The following GALNT13 variants were observed in gnomAD, a reference collection of about 807,000 sequenced individuals.
The protein encoded by GALNT13 is UDP-GalNAc:polypeptide N-acetylgalactosaminyltransferase 13.
Under a neutral mutation model 64.2 loss-of-function variants are expected in GALNT13, and 28 were observed. The ratio of observed to expected loss-of-function variants is 0.44; its 90% CI spans 0.32 to 0.60. The LOEUF is 0.60. Among genes scored for constraint, GALNT13 ranks in the 20% least tolerant of loss-of-function variants. GALNT13 has a pLI of 0.05. For synonymous variants in GALNT13, 214 were observed against 224.6 expected (o/e 0.95, Z 0.42); for missense variants, 577 against 669.8 (o/e 0.86, Z 1.53).
chr2:154,128,649 G>A (rs1171031913), intron 3 of GALNT13, among the ~76,000 whole-genome samples: 3 of 152,004 alleles, frequency 2.0e-5, no homozygotes, highest in East Asian at 1.9e-4. Context: ...GGTAGGAGGC[G>A]GGTAGTGATT....
chr2:154,414,697 C>CT (rs1283619679), intron 11 of GALNT13, among the ~76,000 whole-genome samples: 2 of 151,716 alleles, frequency 1.3e-5, no homozygotes, highest in Admixed American at 6.6e-5. Context: ...TGAAAGGGGT[C>CT]TTTTTTCTCT....
At chr2:153,267,189 A>G in the GALNT13 span, among the ~76,000 whole-genome samples, 1 of 152,146 alleles carries the variant, frequency 6.6e-6, no homozygotes, top group Non-Finnish European at 1.5e-5. Flanking sequence ...GGAGCTTTGC[A>G]CCTGTGGCTC....
intron 12 of GALNT13, among the ~76,000 whole-genome samples, chr2:154,445,637 A>AT (rs2105493053): frequency 6.6e-6 from 1 of 152,136 alleles, no homozygotes; most frequent in African/African-American, 2.4e-5. Flanking sequence ...ATACAATGTT[A>AT]TTTTTTCTTT....
At chr2:154,022,792 T>G (rs1050128356) in intron 3 of GALNT13, among the ~76,000 whole-genome samples, 4 of 151,674 alleles carry the variant, frequency 2.6e-5, no homozygotes, top group Non-Finnish European at 5.9e-5. Flanking sequence ...GATGTTAGGG[T>G]GTCAATTTGG....
chr2:153,283,199 C>G, the GALNT13 span, among the ~76,000 whole-genome samples: 1 of 152,138 alleles, frequency 6.6e-6, no homozygotes, highest in Non-Finnish European at 1.5e-5. Context: ...TCCCTGATGG[C>G]GGGCACTAGT....
At chr2:153,567,953 G>A in the GALNT13 span, among the ~76,000 whole-genome samples, 1 of 152,176 alleles carries the variant, frequency 6.6e-6, no homozygotes, top group African/African-American at 2.4e-5. Context: ...TTTGGTTTGG[G>A]CATCTGGGGA....
At chr2:153,138,652 G>A in the GALNT13 span, among the ~76,000 whole-genome samples, 4 of 152,020 alleles carry the variant, frequency 2.6e-5, no homozygotes, top group Admixed American at 6.6e-5. Context: ...TATAAAAATA[G>A]TTAGCATCAT....
At chr2:154,392,069 A>C (rs1168819869) in intron 9 of GALNT13, among the ~76,000 whole-genome samples, 1 of 152,204 alleles carries the variant, frequency 6.6e-6, no homozygotes, top group Non-Finnish European at 1.5e-5. Flanking sequence ...TTGAATTATG[A>C]ATGAACGTGG....
the GALNT13 span, among the ~76,000 whole-genome samples, chr2:153,640,426 T>TA: frequency 6.1e-3 from 924 of 152,128 alleles, 4 homozygotes; most frequent in Non-Finnish European, 0.011. Context: ...ATTTGGATCA[T>TA]AAAAACACAG....
chr2:153,133,946 T>A, the GALNT13 span, among the ~76,000 whole-genome samples: 1 of 152,198 alleles, frequency 6.6e-6, no homozygotes, highest in African/African-American at 2.4e-5. Flanking sequence ...TGACAGAATG[T>A]CTGGGTGTTT....
At chr2:153,222,334 G>T in the GALNT13 span, among the ~76,000 whole-genome samples, 4 of 37,234 alleles carry the variant, frequency 1.1e-4, no homozygotes, top group Non-Finnish European at 3.4e-4. Context: ...GGGTGGGGTG[G>T]GGGGGGGGGT....
At chr2:154,415,566 A>G (rs1439594405) in intron 11 of GALNT13, among the ~76,000 whole-genome samples, 1 of 147,592 alleles carries the variant, frequency 6.8e-6, no homozygotes, top group East Asian at 2.0e-4. Context: ...TTTTCTGCCA[A>G]GATTAAAGAA....
chr2:153,590,012 C>G, the GALNT13 span, among the ~76,000 whole-genome samples: 1 of 152,016 alleles, frequency 6.6e-6, no homozygotes, highest in African/African-American at 2.4e-5. Flanking sequence ...ATAATAAGAT[C>G]AGAGCACAAC....
At chr2:154,104,175 G>A (rs1034610679) in intron 3 of GALNT13, among the ~76,000 whole-genome samples, 1 of 151,180 alleles carries the variant, frequency 6.6e-6, no homozygotes, top group Non-Finnish European at 1.5e-5. Flanking sequence ...TTTATCTTCA[G>A]GGCATGATGC....
intron 3 of GALNT13, among the ~76,000 whole-genome samples, chr2:154,022,216 A>G (rs751089559): frequency 2.0e-5 from 3 of 152,198 alleles, no homozygotes; most frequent in Non-Finnish European, 4.4e-5. Flanking sequence ...TGCTGGCCTC[A>G]TAAAATGAGT....
the GALNT13 span, among the ~76,000 whole-genome samples, chr2:153,587,058 C>G: frequency 6.6e-6 from 1 of 151,538 alleles, no homozygotes; most frequent in Non-Finnish European, 1.5e-5. Flanking sequence ...GTGGTAAAAC[C>G]CCATCTCTAC....
chr2:154,137,757 T>C (rs1240895077), intron 3 of GALNT13, among the ~76,000 whole-genome samples: 1 of 152,078 alleles, frequency 6.6e-6, no homozygotes, highest in African/African-American at 2.4e-5. Flanking sequence ...GGAAGCATTG[T>C]GTTGATTATG....
chr2:153,885,624 C>G (rs1022614231), intron 1 of GALNT13, among the ~76,000 whole-genome samples: 5 of 152,024 alleles, frequency 3.3e-5, no homozygotes, highest in African/African-American at 1.2e-4. Context: ...TTATAGTTCT[C>G]TCTGTTTTTA....
chr2:154,159,053 A>G (rs1558995290), intron 4 of GALNT13, among the ~76,000 whole-genome samples: 1 of 152,062 alleles, frequency 6.6e-6, no homozygotes, highest in Non-Finnish European at 1.5e-5. Flanking sequence ...ATAAGGAAAT[A>G]AAACATATTT....
Sources: allele counts gnomAD v4.1 joint callset (sites outside exome capture counted in the v4.1 genomes callset), GRCh38; gene constraint gnomAD v4.1.1; transcripts MANE v1.5; gene names NCBI Gene and HGNC (gene_info 2026-07-23, HGNC 2026-07-21).